Variants in TRPC3 observed in about 807,000 individuals in gnomAD.
TRPC3 encodes the protein short transient receptor potential channel 3.
In TRPC3, 54 loss-of-function variants were observed where a neutral mutation model predicts 90.9. The observed-to-expected ratio is 0.59, with a 90% CI of 0.48 to 0.75. TRPC3 has a LOEUF of 0.75. Among genes scored for constraint, TRPC3 ranks in the 30% least tolerant of loss-of-function variants. The pLI is 0.00. For missense variants in TRPC3, 918 were observed against 1,194.5 expected, an observed-to-expected ratio of 0.77 and a Z score of 3.41; for synonymous variants, 424 against 450.9, an observed-to-expected ratio of 0.94 and a Z score of 0.75.
chr4:121,881,353 C>T (rs1727935560), intron 11 of TRPC3, among the ~76,000 whole-genome samples: 2 of 152,048 alleles, frequency 1.3e-5, no homozygotes, highest in African/African-American at 4.8e-5. Flanking sequence ...GTTTTTTATG[C>T]CGTTTTAGCC....
chr4:121,898,382 C>T (rs1193058275), intron 10 of TRPC3, among the ~76,000 whole-genome samples: 5 of 152,140 alleles, frequency 3.3e-5, no homozygotes, highest in South Asian at 4.1e-4. Context: ...AGATTAGCAG[C>T]GGCATTAGAT....
chr4:121,951,681 C>T lies in TRPC3; in HGVS notation c.-1G>A. The T allele has an allele frequency of 7.6e-7, 1 of 1,321,600 alleles. No homozygotes were observed. The highest frequency in any genetic ancestry group is 9.7e-7 in the Non-Finnish European group (1 of 1,026,074). The allele number at this position is 1,321,600 out of a possible 1,614,324, so 81.9% of individuals were successfully genotyped here. On this transcript the variant is annotated 5_prime_UTR_variant, in exon 1 of 12. Transcript: ENST00000379645. This position sits in a 1 kb window ranked among gnomAD's most constrained non-coding sequence, Gnocchi z 4.4. ...TGCACTTCCTGACCTTGGTGGACAT[C>T]GCGCCGGCTGCGGTCCGAGTGTGGG...
chr4:121,934,657 G>A (rs1354534176), intron 1 of TRPC3, among the ~76,000 whole-genome samples: 1 of 152,152 alleles, frequency 6.6e-6, no homozygotes, highest in Non-Finnish European at 1.5e-5. Flanking sequence ...AACTAGAGAG[G>A]ACACTGGCCT....
Position 121,875,313 on chromosome 4 carries a change from T to G in TRPC3, c.*4423A>C, listed in dbSNP as rs189736611. On this transcript the variant is annotated 3_prime_UTR_variant, in exon 12 of 12. Coordinates refer to ENST00000379645, the MANE Select transcript of TRPC3 (RefSeq NM_001130698.2). Reference sequence around the variant, plus strand: ...ATCAAAACAATACAAAAAGTTTGCATAATATGATATTTGGAATTCTTTGAT... The same window carrying G: ...ATCAAAACAATACAAAAAGTTTGCAGAATATGATATTTGGAATTCTTTGAT... Among the ~76,000 whole-genome samples, 9 of 152,328 alleles carry G rather than the reference T, an allele frequency of 5.9e-5. No individual in the cohort carries two copies. In the East Asian group the frequency reaches 1.7e-3, roughly 29 times the overall value.
At chr4:121,907,642 A>G in intron 6 of TRPC3, 75 bp from the exon 7 acceptor site, 9 of 1,473,132 alleles carry the variant, frequency 6.1e-6, no homozygotes, top group Non-Finnish European at 6.4e-6. Flanking sequence ...AATACCTTAA[A>G]TAGGATCTAT....
At chr4:121,886,873 A>C (rs1728141692) in intron 10 of TRPC3, among the ~76,000 whole-genome samples, 1 of 152,166 alleles carries the variant, frequency 6.6e-6, no homozygotes, top group Non-Finnish European at 1.5e-5. Context: ...CAACCTGGGG[A>C]GCACAGATTC....
At chr4:121,948,046 T>C (rs1730551987) in intron 1 of TRPC3, among the ~76,000 whole-genome samples, 1 of 152,144 alleles carries the variant, frequency 6.6e-6, no homozygotes, top group Non-Finnish European at 1.5e-5. Flanking sequence ...CTCTTCACAC[T>C]CCTTTGAGTA....
chr4:121,922,408 T>C (rs1729553720), intron 3 of TRPC3, among the ~76,000 whole-genome samples: 2 of 152,224 alleles, frequency 1.3e-5, no homozygotes, highest in Admixed American at 1.3e-4. Flanking sequence ...TAATTAATAC[T>C]CCTTTTATAG....
chr4:121,903,950 A>C (rs1174710358), intron 8 of TRPC3, among the ~76,000 whole-genome samples: 1 of 152,328 alleles, frequency 6.6e-6, no homozygotes, highest in South Asian at 2.1e-4. Flanking sequence ...GACTGGATAA[A>C]GAATACCATT....
chr4:121,946,160 A>T (rs1468881438), intron 1 of TRPC3, among the ~76,000 whole-genome samples: 1 of 152,152 alleles, frequency 6.6e-6, no homozygotes, highest in Admixed American at 6.5e-5. Flanking sequence ...GGTTAGGAAA[A>T]CTTCCCAGAA....
Position 121,951,356 on chromosome 4 carries a change from T to C in TRPC3, c.215+110A>G. On this transcript the variant is annotated intron_variant, in intron 1 of 11. Coordinates refer to ENST00000379645, the MANE Select transcript of TRPC3 (RefSeq NM_001130698.2). This position sits in a 1 kb window ranked among gnomAD's most constrained non-coding sequence, Gnocchi z 4.4. ...AATCGAACTGCCTGGCCGTACCATGTGGGTCTCGGAGGTCCCGGGCTCGAC... is the reference window on the plus strand; with the variant it reads ...AATCGAACTGCCTGGCCGTACCATGCGGGTCTCGGAGGTCCCGGGCTCGAC... 1.5e-6 allele frequency: 1 copy of C among 656,764 alleles called. No individual in the cohort carries two copies. 40.7% of individuals were successfully genotyped at this position (656,764 alleles called of 1,614,324 possible).
intron 6 of TRPC3, among the ~76,000 whole-genome samples, chr4:121,908,451 CA>C (rs1249140487): frequency 6.6e-6 from 1 of 152,086 alleles, no homozygotes; most frequent in African/African-American, 2.4e-5. Context: ...GCACTATTCA[CA>C]ATAGCTAAGA....
rs1377136579 is a variant in TRPC3 at position 121,951,196 on chromosome 4, C to T, written c.215+270G>A. On this transcript the variant is annotated intron_variant, in intron 1 of 11. Coordinates refer to ENST00000379645, the MANE Select transcript of TRPC3 (RefSeq NM_001130698.2). The surrounding 1 kb of genome is among the most constrained non-coding windows in gnomAD (Gnocchi z 4.4). The stretch of plus-strand genomic sequence containing the variant: ...GATGCTTGTCTGAAGTCAGTGTGCC[C>T]GCCTGCGGGCTGTTCCGTGTGCTTG... 6.6e-6 allele frequency among the ~76,000 whole-genome samples: 1 copy of T among 152,196 alleles called. No individual in the cohort carries two copies.
intron 4 of TRPC3, among the ~76,000 whole-genome samples, chr4:121,912,598 A>C (rs1729147149): frequency 6.6e-6 from 1 of 152,206 alleles, no homozygotes; most frequent in African/African-American, 2.4e-5. Context: ...AAATATTCCA[A>C]AATCAAGTTA....
intron 1 of TRPC3, among the ~76,000 whole-genome samples, chr4:121,939,690 G>A (rs560741150): frequency 2.0e-5 from 3 of 152,274 alleles, no homozygotes; most frequent in Non-Finnish European, 4.4e-5. Flanking sequence ...TGCTGGTGCT[G>A]TAAGCTGGAT....
chr4:121,891,798 G>C (rs1219183019), intron 10 of TRPC3, among the ~76,000 whole-genome samples: 2 of 152,062 alleles, frequency 1.3e-5, no homozygotes, highest in Non-Finnish European at 1.5e-5. Flanking sequence ...ACTACCTTTA[G>C]CAACCCAAAC....
intron 1 of TRPC3, among the ~76,000 whole-genome samples, chr4:121,946,496 C>A (rs576180647): frequency 6.6e-6 from 1 of 152,088 alleles, no homozygotes; most frequent in Non-Finnish European, 1.5e-5. Context: ...CTTGACTTAG[C>A]GGTGAACAAT....
chr4:121,906,259 T>C (rs548013699), intron 7 of TRPC3, among the ~76,000 whole-genome samples: 6 of 152,274 alleles, frequency 3.9e-5, no homozygotes, highest in Non-Finnish European at 8.8e-5. Flanking sequence ...AATCCACGTC[T>C]GCATGATTTT....
Position 121,876,595 on chromosome 4 carries a change from T to G in TRPC3, c.*3141A>C, listed in dbSNP as rs1490466972. On this transcript the variant is annotated 3_prime_UTR_variant, in exon 12 of 12. Coordinates refer to ENST00000379645, the MANE Select transcript of TRPC3 (RefSeq NM_001130698.2). The stretch of plus-strand genomic sequence containing the variant: ...TTTGAAATATAAATATATTGACATA[T>G]TGGGTAAGATAGTTATCCTAAATTG... Among the ~76,000 whole-genome samples, 2 of 152,216 alleles carry G rather than the reference T, an allele frequency of 1.3e-5. No individual in the cohort carries two copies. Among genetic ancestry groups the G allele is most frequent in the Non-Finnish European group, 2.9e-5 (2 of 68,032 alleles).
Sources: allele counts gnomAD v4.1 joint callset (sites outside exome capture counted in the v4.1 genomes callset), GRCh38; gene constraint gnomAD v4.1.1; non-coding constraint Gnocchi (gnomAD v3.1); transcripts MANE v1.5; gene names NCBI Gene and HGNC (gene_info 2026-07-23, HGNC 2026-07-21).